Variants in RBFOX1 observed in about 807,000 individuals in gnomAD.
The protein encoded by RBFOX1 is RNA binding fox-1 homolog 1.
In RBFOX1, 8 loss-of-function variants were observed where a neutral mutation model predicts 57.7. That is an observed-to-expected ratio of 0.14 (90% confidence interval 0.08 to 0.25). The LOEUF (loss-of-function observed/expected upper bound fraction) is 0.25. Among genes scored for constraint, RBFOX1 ranks in the 10% least tolerant of loss-of-function variants. The pLI is 1.00. For synonymous variants in RBFOX1, 326 were observed against 222.4 expected, an observed-to-expected ratio of 1.47 and a Z score of -4.15; for missense variants, 611 against 548.5, an observed-to-expected ratio of 1.11 and a Z score of -1.14.
chr16:6,995,013 A>T (rs1278435382), intron 3 of RBFOX1, among the ~76,000 whole-genome samples: 1 of 148,598 alleles, frequency 6.7e-6, no homozygotes, highest in African/African-American at 2.5e-5. Context: ...ATACGTGTGT[A>T]TATGGATATA....
chr16:6,607,452 T>G (rs79313367), intron 2 of RBFOX1, among the ~76,000 whole-genome samples: 12,105 of 141,888 alleles, frequency 0.085, 1,238 homozygotes, highest in East Asian at 0.24. Context: ...CTATCTCTCT[T>G]CCTCTCTCTC....
chr16:6,908,417 C>G (rs1427295066), intron 3 of RBFOX1, among the ~76,000 whole-genome samples: 4 of 152,132 alleles, frequency 2.6e-5, no homozygotes, highest in Non-Finnish European at 4.4e-5. Flanking sequence ...GAACCTTTGA[C>G]TTTTCCACTG....
At chr16:6,826,283 C>A (rs1013406406) in intron 3 of RBFOX1, among the ~76,000 whole-genome samples, 1 of 152,050 alleles carries the variant, frequency 6.6e-6, no homozygotes, top group Non-Finnish European at 1.5e-5. Flanking sequence ...GAGGCCGAAG[C>A]GAGAAAATCG....
intron 3 of RBFOX1, among the ~76,000 whole-genome samples, chr16:5,685,706 A>C (rs1009214386): frequency 2.6e-5 from 4 of 152,218 alleles, no homozygotes; most frequent in East Asian, 3.9e-4. Flanking sequence ...AGGATATCTC[A>C]GGAGGTGAGG....
At chr16:5,615,253 A>G (rs1214595319) in intron 3 of RBFOX1, among the ~76,000 whole-genome samples, 1 of 152,104 alleles carries the variant, frequency 6.6e-6, no homozygotes, top group Non-Finnish European at 1.5e-5. Flanking sequence ...CTTGTCTCTA[A>G]TTCCTGGACT....
chr16:7,203,918 C>T (rs1203226590), intron 4 of RBFOX1, among the ~76,000 whole-genome samples: 2 of 152,230 alleles, frequency 1.3e-5, no homozygotes, highest in East Asian at 3.8e-4. Context: ...AGGACAGGTG[C>T]ACATTTACAT....
intron 2 of RBFOX1, among the ~76,000 whole-genome samples, chr16:6,382,980 C>T (rs984887058): frequency 1.3e-5 from 2 of 152,204 alleles, no homozygotes; most frequent in South Asian, 2.1e-4. Flanking sequence ...ATTTACGCTG[C>T]AGCCAGCCCA....
chr16:5,804,942 G>A (rs939184659), intron 3 of RBFOX1, among the ~76,000 whole-genome samples: 2 of 152,136 alleles, frequency 1.3e-5, no homozygotes, highest in African/African-American at 4.8e-5. Flanking sequence ...TCTCTGACAG[G>A]TTTTTAATAG....
rs576094011 is a variant in RBFOX1 at position 7,235,256 on chromosome 16, G to C, written c.27+183158G>C. On this transcript the variant is annotated intron_variant, in intron 4 of 15. Coordinates refer to ENST00000550418, the MANE Select transcript of RBFOX1 (RefSeq NM_018723.4). ...ATGAGGATTTTTATTTTACATTTCA[G>C]GGATGGGTTACACAGAAAGAAAGCC... Among the ~76,000 whole-genome samples, 14 of 152,280 alleles carry C rather than the reference G, an allele frequency of 9.2e-5. No homozygotes were observed. In the South Asian group the frequency reaches 2.9e-3, roughly 32 times the overall value.
chr16:7,567,160 TATCC>T (rs2091906788), intron 5 of RBFOX1, among the ~76,000 whole-genome samples: 1 of 146,644 alleles, frequency 6.8e-6, no homozygotes, highest in Non-Finnish European at 1.5e-5. Context: ...CCTATATATA[TATCC>T]ATATATATAT....
chr16:6,730,513 C>A (rs893524233), intron 3 of RBFOX1, among the ~76,000 whole-genome samples: 1 of 152,094 alleles, frequency 6.6e-6, no homozygotes, highest in Admixed American at 6.6e-5. Flanking sequence ...CATCTATCTA[C>A]CTGTCTACCT....
intron 4 of RBFOX1, among the ~76,000 whole-genome samples, chr16:7,126,987 C>T (rs959878910): frequency 9.4e-5 from 13 of 137,810 alleles, no homozygotes; most frequent in South Asian, 2.4e-4. Context: ...GCAGCCTGGG[C>T]GTGACAGAGC....
chr16:5,904,347 C>T (rs1427007114), intron 4 of RBFOX1, among the ~76,000 whole-genome samples: 2 of 152,064 alleles, frequency 1.3e-5, no homozygotes, highest in South Asian at 2.1e-4. Context: ...GATGCCTGCT[C>T]CCAGCAGAGG....
At chr16:7,532,284 A>G (rs1047439777) in intron 5 of RBFOX1, among the ~76,000 whole-genome samples, 6 of 151,998 alleles carry the variant, frequency 3.9e-5, no homozygotes, top group Non-Finnish European at 8.8e-5. Flanking sequence ...CCAGGCGGTG[A>G]CATTCATCTG....
At chr16:7,596,126 GAAAA>G in intron 8 of RBFOX1, among the ~76,000 whole-genome samples, 1 of 106,130 alleles carries the variant, frequency 9.4e-6, no homozygotes, top group Non-Finnish European at 1.7e-5. Flanking sequence ...GTTTTTTGTG[GAAAA>G]AAAAACAAAA....
chr16:7,163,525 T>C (rs2078824919), intron 4 of RBFOX1, among the ~76,000 whole-genome samples: 1 of 152,186 alleles, frequency 6.6e-6, no homozygotes, highest in Non-Finnish European at 1.5e-5. Flanking sequence ...GCACTCCCTT[T>C]AACATCAGTC....
chr16:6,974,605 A>G (rs1179923631), intron 3 of RBFOX1, among the ~76,000 whole-genome samples: 3 of 152,032 alleles, frequency 2.0e-5, no homozygotes, highest in African/African-American at 7.2e-5. Context: ...TCGGCCTCCC[A>G]AAGTGCTGGG....
rs566699327 is a variant in RBFOX1 at position 6,132,597 on chromosome 16, G to A, written c.-127+112605G>A. Among the ~76,000 whole-genome samples the A allele has an allele frequency of 7.9e-5, 12 of 152,340 alleles. No homozygotes were observed. In the South Asian group the frequency reaches 1.7e-3, roughly 21 times the overall value. ...TGGGGAACATAGTCCAGGAGTACAC[G>A]TGAAGCTAGTAAAAAGGCACCATTT... is the stretch of plus-strand genomic sequence containing the variant. On this transcript the variant is annotated intron_variant, in intron 1 of 15. Transcript: ENST00000550418.
At chr16:6,843,306 G>A (rs936009386) in intron 3 of RBFOX1, among the ~76,000 whole-genome samples, 1 of 152,000 alleles carries the variant, frequency 6.6e-6, no homozygotes, top group Non-Finnish European at 1.5e-5. Flanking sequence ...GGCCATGGTG[G>A]TCTTCTGGAG....
Sources: allele counts gnomAD v4.1 joint callset (sites outside exome capture counted in the v4.1 genomes callset), GRCh38; gene constraint gnomAD v4.1.1; transcripts MANE v1.5; gene names NCBI Gene and HGNC (gene_info 2026-07-23, HGNC 2026-07-21).